FECH: variants seen among roughly 807,000 people sequenced by gnomAD.
FECH encodes ferrochelatase, also known as ferrochelatase, mitochondrial.
Under a neutral mutation model 56.9 loss-of-function variants are expected in FECH, and 40 were observed. The observed-to-expected ratio is 0.70, with a 90% CI of 0.55 to 0.92. The LOEUF (loss-of-function observed/expected upper bound fraction) is 0.92. Ranked by LOEUF, FECH falls within the 40% of genes least tolerant of loss-of-function variation. FECH has a pLI of 0.00. For missense variants in FECH, 431 were observed against 529.1 expected, an observed-to-expected ratio of 0.81 and a Z score of 1.82; for synonymous variants, 175 against 198.6, an observed-to-expected ratio of 0.88 and a Z score of 1.00.
At chr18:57,581,219 T>C (rs2051272922) in intron 1 of FECH, among the ~76,000 whole-genome samples, 1 of 152,186 alleles carries the variant, frequency 6.6e-6, no homozygotes, top group South Asian at 2.1e-4. Flanking sequence ...ATTTCCCAGT[T>C]TGTTAGCTTG....
At chr18:57,553,610 C>A (rs1157446524) in intron 9 of FECH, among the ~76,000 whole-genome samples, 1 of 152,202 alleles carries the variant, frequency 6.6e-6, no homozygotes, top group Non-Finnish European at 1.5e-5. Context: ...CATAGATGAA[C>A]AATAGTTTTT....
intron 4 of FECH, among the ~76,000 whole-genome samples, chr18:57,567,318 T>C (rs1006185560): frequency 6.6e-6 from 1 of 152,260 alleles, no homozygotes; most frequent in African/African-American, 2.4e-5. Flanking sequence ...GGTACCTAAA[T>C]GGCCCATGCC....
At chr18:57,584,546 C>T (rs1035816395) in intron 1 of FECH, among the ~76,000 whole-genome samples, 14 of 151,616 alleles carry the variant, frequency 9.2e-5, no homozygotes, top group South Asian at 2.1e-4. Flanking sequence ...TCCTTGTGGG[C>T]GAGGCAGAAG....
At chr18:57,583,287 C>T (rs2051314179) in intron 1 of FECH, among the ~76,000 whole-genome samples, 1 of 152,234 alleles carries the variant, frequency 6.6e-6, no homozygotes. Context: ...CTGGAAAAGA[C>T]TCAGCTCACA....
chr18:57,584,323 C>A (rs1599019785), intron 1 of FECH, among the ~76,000 whole-genome samples: 4 of 37,364 alleles, frequency 1.1e-4, no homozygotes, highest in Non-Finnish European at 5.0e-5. Flanking sequence ...GAGACTCGGT[C>A]TCAAAAAAAA....
intron 6 of FECH, among the ~76,000 whole-genome samples, chr18:57,560,819 T>C (rs1446173843): frequency 6.6e-6 from 1 of 152,230 alleles, no homozygotes; most frequent in Non-Finnish European, 1.5e-5. Flanking sequence ...TCTGCACTTG[T>C]TGGTATTTTG....
chr18:57,549,710 G>A lies in FECH; in HGVS notation c.*1002C>T, dbSNP rs2050771568. On this transcript the variant is annotated 3_prime_UTR_variant, in exon 11 of 11. Coordinates refer to ENST00000262093, the MANE Select transcript of FECH (RefSeq NM_000140.5). ...TTATGATAACAGTTATTGCATTAAA[G>A]TGGTTACTTTTCTGTATTCTTCACA... 1 of 152,162 alleles carries A rather than the reference G, an allele frequency of 6.6e-6. No individual in the cohort carries two copies. Among genetic ancestry groups the A allele is most frequent in the Admixed American group, 6.5e-5 (1 of 15,276 alleles). 9.4% of individuals were successfully genotyped at this position (152,162 alleles called of 1,614,324 possible).
intron 1 of FECH, among the ~76,000 whole-genome samples, chr18:57,582,773 AT>A (rs1443607451): frequency 8.5e-5 from 12 of 140,902 alleles, no homozygotes; most frequent in African/African-American, 3.3e-4. Context: ...AAAAAAAAAA[AT>A]TAGCCAGGCG....
intron 3 of FECH, among the ~76,000 whole-genome samples, chr18:57,572,155 C>G (rs1355497393): frequency 1.3e-5 from 2 of 152,100 alleles, no homozygotes; most frequent in Non-Finnish European, 2.9e-5. Context: ...ACATTCACAA[C>G]AGCAAAGACT....
chr18:57,584,116 G>C (rs1599019408), intron 1 of FECH, among the ~76,000 whole-genome samples: 1 of 151,222 alleles, frequency 6.6e-6, no homozygotes, highest in African/African-American at 2.4e-5. Flanking sequence ...GGAGGCGGAG[G>C]TTGCAGTGAG....
intron 1 of FECH, among the ~76,000 whole-genome samples, chr18:57,583,291 G>T (rs1212224888): frequency 6.6e-6 from 1 of 152,242 alleles, no homozygotes. Context: ...AAAAGACTCA[G>T]CTCACAGCTG....
intron 4 of FECH, chr18:57,567,791 C>G (rs2051037796): frequency 6.6e-6 from 1 of 152,202 alleles, no homozygotes; most frequent in Non-Finnish European, 1.5e-5. Context: ...AACACATTCC[C>G]AAGGGAGAAG....
At chr18:57,557,529 C>T (rs2050884214) in intron 7 of FECH, among the ~76,000 whole-genome samples, 2 of 152,314 alleles carry the variant, frequency 1.3e-5, no homozygotes, top group East Asian at 1.9e-4. Context: ...TTCAGCCAGG[C>T]ACGGTGGCTC....
chr18:57,582,462 A>T (rs889961866), intron 1 of FECH, among the ~76,000 whole-genome samples: 2 of 151,912 alleles, frequency 1.3e-5, no homozygotes, highest in Non-Finnish European at 2.9e-5. Flanking sequence ...CCTCCTTCAA[A>T]CCTAAAAAAA....
chr18:57,571,596 A>AATGT (rs1477518386), intron 3 of FECH, 56 bp from the exon 4 acceptor site: 4 of 1,613,768 alleles, frequency 2.5e-6, no homozygotes, highest in Non-Finnish European at 3.4e-6. Flanking sequence ...CAACCTGAGA[A>AATGT]ATGTTTTCTA....
At chr18:57,579,627 T>C (rs1221449770) in intron 2 of FECH, among the ~76,000 whole-genome samples, 2 of 152,188 alleles carry the variant, frequency 1.3e-5, no homozygotes, top group African/African-American at 4.8e-5. Flanking sequence ...TGATAAATCC[T>C]GTTACTTCTT....
chr18:57,571,484 C>A lies in FECH; in HGVS notation c.371G>T (p.Arg124Leu). Residue 124 changes from arginine to leucine, a missense_variant, in exon 4 of 11, where the codon CGC (arginine) becomes CTC (leucine). Arg to Leu is a moderately radical substitution (Grantham distance 102, BLOSUM62 -2). Transcript: ENST00000262093. ...RRTPKIQEQYRRIGGGSPIKI... is the reference protein window; with the variant it reads ...RRTPKIQEQYLRIGGGSPIKI... ...GATGGGGGATCCGCCTCCAATCCTG[C>A]GGTACTGCTCTTGAATCTTGGGGGT... 2 of 1,613,876 alleles carry A rather than the reference C, an allele frequency of 1.2e-6. No individual in the cohort carries two copies. Among genetic ancestry groups the A allele is most frequent in the Non-Finnish European group, 1.7e-6 (2 of 1,179,998 alleles).
At chr18:57,554,983 A>G in intron 7 of FECH, 31 bp from the exon 8 acceptor site, 6 of 1,571,378 alleles carry the variant, frequency 3.8e-6, no homozygotes, top group African/African-American at 1.3e-5. Flanking sequence ...GTGTTCAGCC[A>G]TTAACACTGG....
intron 1 of FECH, among the ~76,000 whole-genome samples, chr18:57,586,171 G>T (rs997752001): frequency 6.6e-6 from 1 of 152,240 alleles, no homozygotes; most frequent in Non-Finnish European, 1.5e-5. Flanking sequence ...TGGTGGTGAT[G>T]ATGAAGATGC....
Sources: gnomAD v4.1 joint callset for allele counts (sites outside exome capture counted in the v4.1 genomes callset) on GRCh38, gnomAD v4.1.1 for gene constraint, MANE v1.5 for transcripts, NCBI Gene and HGNC (gene_info 2026-07-23, HGNC 2026-07-21) for gene names.